The following TTC19 variants were observed in gnomAD, a reference collection of about 807,000 sequenced individuals.
The protein encoded by TTC19 is tetratricopeptide repeat protein 19, mitochondrial.
Under a neutral mutation model 49.5 loss-of-function variants are expected in TTC19, and 38 were observed. The observed-to-expected ratio is 0.77, with a 90% CI of 0.59 to 1.01. The LOEUF (loss-of-function observed/expected upper bound fraction) is 1.01. Among genes scored for constraint, TTC19 ranks in the 50% least tolerant of loss-of-function variants. The pLI is 0.00. For missense variants in TTC19, 475 were observed against 477.7 expected (o/e 0.99, Z 0.05); for synonymous variants, 204 against 185.2 (o/e 1.10, Z -0.83).
chr17:16,041,564 G>A lies in TTC19; in HGVS notation c.248-2939G>A, dbSNP rs1051412457. On this transcript the variant is annotated intron_variant, in intron 2 of 2. Transcript: ENST00000470649. ...GAGCAGCTGGGATTATAGGCCCCCC[G>A]CCACCATGCCCAGCTAATTTTTGTA... 6.1e-5 allele frequency among the ~76,000 whole-genome samples: 9 copies of A among 148,532 alleles called. No individual in the cohort carries two copies. In the East Asian group the frequency reaches 1.6e-3, roughly 27 times the overall value.
intron 7 of TTC19, among the ~76,000 whole-genome samples, chr17:16,018,855 T>G (rs1186041422): frequency 8.5e-5 from 13 of 152,134 alleles, no homozygotes; most frequent in Non-Finnish European, 1.3e-4. Context: ...AAAAGTAAAG[T>G]TTTGAGGACT....
chr17:16,035,535 T>TC, intron 2 of TTC19, among the ~76,000 whole-genome samples: 1 of 149,606 alleles, frequency 6.7e-6, no homozygotes, highest in East Asian at 1.9e-4. Context: ...TTGTTCTTTT[T>TC]TTTTTTTTTT....
rs1970661570 is a variant in TTC19 at position 15,999,897 on chromosome 17, G to A, written c.49G>A (p.Ala17Thr). 5.0e-6 allele frequency: 7 copies of A among 1,397,344 alleles called. No individual in the cohort carries two copies. The African/African-American group carries it at 9.1e-5, about 18-fold the overall frequency. 86.6% of individuals were successfully genotyped at this position (1,397,344 alleles called of 1,614,324 possible). Reference protein sequence around the residue: ...WSLGRGFLRAAGRRCRGCSAR... With the variant: ...WSLGRGFLRATGRRCRGCSAR... ...CCTGGGCCGAGGCTTCCTGCGGGCC[G>A]CGGGGCGGCGGTGCCGGGGCTGCTC... Residue 17 changes from alanine to threonine, a missense_variant, in exon 1 of 10, where the codon GCG becomes ACG. Coordinates refer to ENST00000261647, the MANE Select transcript of TTC19 (RefSeq NM_017775.4).
rs571582657 is a variant in TTC19 at position 16,025,731 on chromosome 17, G to C, written c.831+560G>C. Reference sequence around the variant, plus strand: ...CCTCCATCCGAGTAAGTTCTTAGATGTAAGGAGTGCATTGCTTTGTCTATG... The same window carrying C: ...CCTCCATCCGAGTAAGTTCTTAGATCTAAGGAGTGCATTGCTTTGTCTATG... On this transcript the variant is annotated intron_variant, in intron 8 of 9. Transcript: ENST00000261647. Among the ~76,000 whole-genome samples the C allele has an allele frequency of 6.7e-4, 102 of 152,320 alleles. 1 individual carries two copies. The highest frequency in any genetic ancestry group is 1.4e-3 in the Non-Finnish European group (93 of 68,036).
downstream of TTC19, among the ~76,000 whole-genome samples, chr17:16,034,232 A>G (rs1226310883): frequency 6.6e-6 from 1 of 152,064 alleles, no homozygotes; most frequent in East Asian, 1.9e-4. Context: ...ATTTTTTCAT[A>G]GCTCTTCCTT....
rs1171245729 is a variant in TTC19, at chr17:16,028,335, C to A, written c.*813C>A. 1 of 453,962 alleles carries A rather than the reference C, an allele frequency of 2.2e-6. No individual in the cohort carries two copies. Among genetic ancestry groups the A allele is most frequent in the Non-Finnish European group, 4.4e-6 (1 of 226,782 alleles). The allele number at this position is 453,962 out of a possible 1,614,324, so 28.1% of individuals were successfully genotyped here. On this transcript the variant is annotated 3_prime_UTR_variant, in exon 10 of 10. Transcript: ENST00000261647. Reference sequence around the variant, plus strand: ...TGTTCTGAGTCAGAATAGGCCCCTACAGGTATATTTTAAAACTCTTCGTAA... The same window carrying A: ...TGTTCTGAGTCAGAATAGGCCCCTAAAGGTATATTTTAAAACTCTTCGTAA...
chr17:16,011,355 T>G (rs1346251369), intron 7 of TTC19, among the ~76,000 whole-genome samples: 1 of 152,180 alleles, frequency 6.6e-6, no homozygotes, highest in African/African-American at 2.4e-5. Flanking sequence ...TAATTTTGTA[T>G]TTTTAGTAGA....
chr17:16,039,633 T>G, intron 2 of TTC19: 1 of 1,613,984 alleles, frequency 6.2e-7, no homozygotes. Context: ...AGCAAAAGAA[T>G]GGCCTCTAGA....
intron 5 of TTC19, 130 bp from the exon 6 acceptor site, chr17:16,004,071 C>A: frequency 8.9e-7 from 1 of 1,124,958 alleles, no homozygotes; most frequent in Non-Finnish European, 1.4e-6. Flanking sequence ...AAGGAATTCA[C>A]AGTTGGCTCA....
At chr17:16,041,026 C>A in intron 2 of TTC19, 1 of 153,970 alleles carries the variant, frequency 6.5e-6, no homozygotes, top group Non-Finnish European at 1.4e-5. Context: ...CTGGGATGAC[C>A]GCCACAAATA....
At chr17:16,040,847 C>T (rs996675156) in intron 2 of TTC19, 1 of 250,802 alleles carries the variant, frequency 4.0e-6, no homozygotes, top group African/African-American at 2.3e-5. Flanking sequence ...CTGGGCAACA[C>T]AGTGAGACTC....
chr17:16,021,516 A>C (rs1392516324), intron 7 of TTC19, among the ~76,000 whole-genome samples: 1 of 152,362 alleles, frequency 6.6e-6, no homozygotes, highest in East Asian at 1.9e-4. Context: ...TTTATGAAGG[A>C]ATATGTATAC....
At position 16,034,481 on chromosome 17, in the gene TTC19, G is replaced by A. The variant is rs532593150; in HGVS notation, c.247+7779G>A. 7.9e-5 allele frequency among the ~76,000 whole-genome samples: 12 copies of A among 152,110 alleles called. No homozygotes were observed. The East Asian group carries it at 1.9e-3, about 25-fold the overall frequency. On this transcript the variant is annotated intron_variant, in intron 2 of 2. Transcript: ENST00000470649. The stretch of plus-strand genomic sequence containing the variant: ...AAATTAGCCAGGCATGGTCGTGCAC[G>A]CCTGTAGTCCCAGCTACTTGGGTCG...
At position 15,999,938 on chromosome 17, in the gene TTC19, G is replaced by C; in HGVS notation, c.90G>C (p.Pro30=). The change falls in exon 1 of 10, where the codon CCG becomes CCC. Residue 30 remains proline, a synonymous_variant. Transcript: ENST00000261647. ...RCRGCSARLL[P]GLAGGPGPEV... ...GGGGCTGCTCCGCGCGCCTGCTCCC[G>C]GGGCTGGCAGGAGGTCCGGGGCCCG... The C allele has an allele frequency of 1.5e-6, 2 of 1,331,106 alleles. No homozygotes were observed. The highest frequency in any genetic ancestry group is 1.9e-6 in the Non-Finnish European group (2 of 1,048,132). The allele number at this position is 1,331,106 out of a possible 1,614,324, so 82.5% of individuals were successfully genotyped here.
At chr17:16,002,183 T>C (rs1970758349) in intron 3 of TTC19, among the ~76,000 whole-genome samples, 158 bp downstream of exon 3, 1 of 152,224 alleles carries the variant, frequency 6.6e-6, no homozygotes, top group South Asian at 2.1e-4. Context: ...TTTTTTGTTT[T>C]GTTTTGTTTT....
intron 2 of TTC19, chr17:16,000,470 T>C: frequency 7.7e-7 from 1 of 1,299,218 alleles, no homozygotes; most frequent in Non-Finnish European, 1.0e-6. Context: ...CAAGTGCAAA[T>C]GGAGATGGCG....
At chr17:16,038,555 G>A (rs1187980405) in intron 2 of TTC19, among the ~76,000 whole-genome samples, 5 of 151,440 alleles carry the variant, frequency 3.3e-5, no homozygotes, top group Admixed American at 3.3e-4. Flanking sequence ...TCCCACCTCG[G>A]CCCCCACAAG....
At chr17:16,040,854 A>C in intron 2 of TTC19, 1 of 231,358 alleles carries the variant, frequency 4.3e-6, no homozygotes, top group South Asian at 6.2e-5. Flanking sequence ...ACACAGTGAG[A>C]CTCTCCCATC....
chr17:16,030,255 G>A (rs1418867439), downstream of TTC19: 4 of 230,046 alleles, frequency 1.7e-5, no homozygotes, highest in East Asian at 6.4e-5. Flanking sequence ...TCATCTTCAT[G>A]TTGAATAGGC....
Sources: allele counts gnomAD v4.1 joint callset (sites outside exome capture counted in the v4.1 genomes callset), GRCh38; gene constraint gnomAD v4.1.1; transcripts MANE v1.5; gene names NCBI Gene and HGNC (gene_info 2026-07-23, HGNC 2026-07-21).